GALNT6: variants seen among roughly 807,000 people sequenced by gnomAD.
The protein encoded by GALNT6 is polypeptide N-acetylgalactosaminyltransferase 6, also known as GalNAc transferase 6.
A neutral mutation model predicts 65.9 loss-of-function variants in GALNT6; 51 were observed. The ratio of observed to expected loss-of-function variants is 0.77; its 90% CI spans 0.62 to 0.98. GALNT6 has a LOEUF of 0.98. GALNT6 is among the 50% of genes least tolerant of loss of function. The pLI, the probability that GALNT6 is intolerant of heterozygous loss-of-function variation, is 0.00. For synonymous variants in GALNT6, 323 were observed against 315.1 expected (o/e 1.02, Z -0.26); for missense variants, 708 against 803.3 (o/e 0.88, Z 1.43).
At chr12:51,382,762 T>A (rs773857406) in intron 2 of GALNT6, among the ~76,000 whole-genome samples, 1 of 152,162 alleles carries the variant, frequency 6.6e-6, no homozygotes, top group Admixed American at 6.5e-5. Flanking sequence ...GGCAGCTGGA[T>A]GACCCATTCG....
chr12:51,388,567 A>C (rs571909851), intron 2 of GALNT6, among the ~76,000 whole-genome samples: 1 of 152,170 alleles, frequency 6.6e-6, no homozygotes, highest in Admixed American at 6.5e-5. Flanking sequence ...TTGCTGCCTC[A>C]GTTTCTAGGT....
intron 4 of GALNT6, among the ~76,000 whole-genome samples, chr12:51,367,172 G>A (rs897969918): frequency 9.9e-5 from 15 of 152,260 alleles, no homozygotes; most frequent in South Asian, 6.2e-4. Context: ...CAGGTGAATC[G>A]TTTGAACTTG....
chr12:51,385,920 G>T (rs553605222), intron 2 of GALNT6, among the ~76,000 whole-genome samples: 1 of 151,816 alleles, frequency 6.6e-6, no homozygotes, highest in Non-Finnish European at 1.5e-5. Context: ...CTGCAGCCTC[G>T]ACCTCCCAGG....
chr12:51,359,158 G>T lies in GALNT6; in HGVS notation c.1342C>A (p.Leu448Met). The T allele has an allele frequency of 6.2e-7, 1 of 1,614,134 alleles. No individual in the cohort carries two copies. The highest frequency in any genetic ancestry group is 8.5e-7 in the Non-Finnish European group (1 of 1,179,978). The part of the protein sequence containing the change: ...SYKKIFYRRN[L>M]QAAKMAQEKS... Reference sequence around the variant, plus strand: ...TCTTGGGCCATCTTTGCTGCCTGCAGATTTCTCCTATAGAAAATCTTCTTG... The same window carrying T: ...TCTTGGGCCATCTTTGCTGCCTGCATATTTCTCCTATAGAAAATCTTCTTG... Residue 448 changes from leucine (L) to methionine (M), a missense_variant, in exon 8 of 12, where the codon CTG becomes ATG. Transcript: ENST00000356317.
At chr12:51,383,464 C>T (rs1037156112) in intron 2 of GALNT6, 1 of 152,250 alleles carries the variant, frequency 6.6e-6, no homozygotes, top group Non-Finnish European at 1.5e-5. Context: ...GACTCACCCC[C>T]TCCAGGAAGG....
intron 2 of GALNT6, among the ~76,000 whole-genome samples, chr12:51,382,991 T>C (rs1947720950): frequency 6.6e-6 from 1 of 152,152 alleles, no homozygotes; most frequent in Non-Finnish European, 1.5e-5. Context: ...CCAGGGGAGA[T>C]TCAGGAGCAG....
rs1297921756 is a variant in GALNT6, at chr12:51,387,200, C to T, written c.-104+3650G>A. The stretch of plus-strand genomic sequence containing the variant: ...GCAACCTCCGACTCCTGGGTTCAAG[C>T]GATTCTCATCCCTCAGCCTCCCGGG... On this transcript the variant is annotated intron_variant, in intron 2 of 11. Transcript: ENST00000356317. The surrounding 1 kb of genome is among the most constrained non-coding windows in gnomAD (Gnocchi z 4.2). Among the ~76,000 whole-genome samples the T allele has an allele frequency of 1.3e-5, 2 of 151,926 alleles. No individual in the cohort carries two copies. The highest frequency in any genetic ancestry group is 6.6e-5 in the Admixed American group (1 of 15,248).
At chr12:51,380,751 A>T (rs1208327600) in intron 2 of GALNT6, among the ~76,000 whole-genome samples, 1 of 152,180 alleles carries the variant, frequency 6.6e-6, no homozygotes, top group East Asian at 1.9e-4. Context: ...GGATCATGCC[A>T]CTGCACTCCA....
In GALNT6 at chr12:51,387,820, A is replaced by G. The variant is rs1271610951; in HGVS notation, c.-104+3030T>C. Among the ~76,000 whole-genome samples the G allele has an allele frequency of 2.6e-5, 4 of 152,126 alleles. No individual in the cohort carries two copies. Among genetic ancestry groups the G allele is most frequent in the Non-Finnish European group, 5.9e-5 (4 of 68,016 alleles). On this transcript the variant is annotated intron_variant, in intron 2 of 11. Transcript: ENST00000356317. The surrounding 1 kb of genome is among the most constrained non-coding windows in gnomAD (Gnocchi z 4.2). The stretch of plus-strand genomic sequence containing the variant: ...AGGGAAGTGATGAGAAGGGTGGAAG[A>G]CAGGAGGGGTATTCCCGAAGGCCTC...
intron 5 of GALNT6, among the ~76,000 whole-genome samples, chr12:51,365,087 C>T (rs1036515836): frequency 6.6e-6 from 1 of 152,174 alleles, no homozygotes; most frequent in Admixed American, 6.5e-5. Context: ...AAGCCCCAAA[C>T]AAGCCAGTTC....
At chr12:51,371,379 G>A (rs982335449) in intron 4 of GALNT6, among the ~76,000 whole-genome samples, 7 of 152,018 alleles carry the variant, frequency 4.6e-5, no homozygotes, top group South Asian at 2.1e-4. Flanking sequence ...CCATGGGCCC[G>A]GCTCCTTACA....
intron 2 of GALNT6, among the ~76,000 whole-genome samples, chr12:51,390,586 G>C (rs558184158): frequency 9.9e-5 from 15 of 152,216 alleles, no homozygotes; most frequent in African/African-American, 3.6e-4. Context: ...TGTCTGGAGC[G>C]GAGAATAGGG....
At chr12:51,381,821 A>G (rs1347896243) in intron 2 of GALNT6, among the ~76,000 whole-genome samples, 1 of 152,282 alleles carries the variant, frequency 6.6e-6, no homozygotes, top group Non-Finnish European at 1.5e-5. Context: ...TATTTCTATT[A>G]TTATGATAAA....
intron 2 of GALNT6, among the ~76,000 whole-genome samples, chr12:51,381,620 T>C (rs1163210034): frequency 6.6e-6 from 1 of 152,252 alleles, no homozygotes; most frequent in Non-Finnish European, 1.5e-5. Flanking sequence ...AAAGTGTTAG[T>C]TTTGATCATT....
intron 5 of GALNT6, 28 bp from the exon 6 acceptor site, chr12:51,364,383 T>TCAGGGCTCTGCTGTGGG: frequency 6.6e-7 from 1 of 1,514,960 alleles, no homozygotes; most frequent in Non-Finnish European, 9.2e-7. Flanking sequence ...GAGGCAGCAG[T>TCAGGGCTCTGCTGTGGG]CAGGGCCCTG....
chr12:51,377,645 C>T (rs550139800), intron 3 of GALNT6, among the ~76,000 whole-genome samples: 1 of 152,286 alleles, frequency 6.6e-6, no homozygotes, highest in Non-Finnish European at 1.5e-5. Context: ...CTCCTCCACC[C>T]CCTTCCTTCA....
At chr12:51,378,891 C>CCCCCG (rs34017933) in intron 3 of GALNT6, among the ~76,000 whole-genome samples, 2 of 146,826 alleles carry the variant, frequency 1.4e-5, no homozygotes, top group South Asian at 2.3e-4. Context: ...CACCCCCCCC[C>CCCCCG]CAAACAGCTC....
At chr12:51,375,003 A>T (rs1271189724) in intron 4 of GALNT6, among the ~76,000 whole-genome samples, 1 of 152,034 alleles carries the variant, frequency 6.6e-6, no homozygotes, top group East Asian at 1.9e-4. Context: ...CAGCCTCCCG[A>T]GTAGCTGGGA....
At chr12:51,362,997 C>T (rs2137587242) in intron 6 of GALNT6, among the ~76,000 whole-genome samples, 1 of 152,228 alleles carries the variant, frequency 6.6e-6, no homozygotes, top group Admixed American at 6.5e-5. Flanking sequence ...GCCACTGTGC[C>T]TGGCATGGAC....
Sources: gnomAD v4.1 joint callset for allele counts (sites outside exome capture counted in the v4.1 genomes callset) on GRCh38, gnomAD v4.1.1 for gene constraint, Gnocchi (gnomAD v3.1) non-coding constraint, MANE v1.5 for transcripts, NCBI Gene and HGNC (gene_info 2026-07-23, HGNC 2026-07-21) for gene names.